Variants in TTC34 observed in about 807,000 individuals in gnomAD.
TTC34 encodes the protein tetratricopeptide repeat protein 34.
In TTC34, 44 loss-of-function variants were observed where a neutral mutation model predicts 40.7. That is an observed-to-expected ratio of 1.08 (90% CI 0.85 to 1.39). TTC34 has a LOEUF of 1.39. Among genes scored for constraint, TTC34 ranks in the 40% most tolerant of loss-of-function variants. The pLI is 0.00. For missense variants in TTC34, 884 were observed against 838.0 expected (o/e 1.05, Z -0.68); for synonymous variants, 422 against 398.6 (o/e 1.06, Z -0.70).
At chr1:2,641,083 GAGGTATGGGGAGGGCTGGGAAGGT>G in exon 9 of TTC34, 1 of 174,544 alleles carries the variant, frequency 5.7e-6, no homozygotes, top group African/African-American at 4.9e-5. Context: ...GCTGGGAAGG[GAGGTATGGGGAGGGCTGGGAAGGT>G]GGTGTGGGGA....
chr1:2,755,064 C>T (rs1315057084), intron 6 of TTC34, among the ~76,000 whole-genome samples: 1 of 55,550 alleles, frequency 1.8e-5, no homozygotes, highest in Non-Finnish European at 3.0e-5. Flanking sequence ...CCTGCACCCC[C>T]AGGTGCGCAC....
At chr1:2,793,722 G>A (rs1643685864) in intron 2 of TTC34, among the ~76,000 whole-genome samples, 1 of 152,178 alleles carries the variant, frequency 6.6e-6, no homozygotes, top group African/African-American at 2.4e-5. Flanking sequence ...TCTGTCACCT[G>A]TTAAGTTTTA....
intron 6 of TTC34, among the ~76,000 whole-genome samples, chr1:2,683,526 T>A (rs1264074652): frequency 1.2e-4 from 17 of 138,300 alleles, no homozygotes; most frequent in East Asian, 6.5e-4. Flanking sequence ...CAGGTGAGCA[T>A]CTGATGGTCT....
intron 6 of TTC34, among the ~76,000 whole-genome samples, chr1:2,677,922 G>C (rs1229603963): frequency 6.0e-5 from 2 of 33,344 alleles, no homozygotes; most frequent in Non-Finnish European, 4.8e-5. Context: ...GCCTGGAGCA[G>C]CACCCTGCAC....
chr1:2,657,439 A>C (rs1384124054), intron 6 of TTC34, among the ~76,000 whole-genome samples: 3 of 68,772 alleles, frequency 4.4e-5, no homozygotes, highest in East Asian at 3.2e-4. Flanking sequence ...GAGCATCTGA[A>C]CTCATGGAGC....
At position 2,789,803 on chromosome 1, in the gene TTC34, TC is replaced by T; in HGVS notation, c.1327del (p.Glu443SerfsTer113). ...GCCCCCCGGGTGCGGCGCCCCCTGC[TC>T]CACTACCGTCTGGAAGTCCTCCATG... On this transcript the variant is annotated frameshift_variant, in exon 3 of 9. Coordinates refer to ENST00000401095, the Ensembl canonical transcript of TTC34. LOFTEE classifies it high-confidence loss of function. 2.1e-6 allele frequency: 1 copy of T among 476,302 alleles called. No individual in the cohort carries two copies. The highest frequency in any genetic ancestry group is 3.6e-6 in the Non-Finnish European group (1 of 276,540). 29.5% of individuals were successfully genotyped at this position (476,302 alleles called of 1,614,324 possible).
At chr1:2,652,461 G>A (rs1379433400) in intron 6 of TTC34, among the ~76,000 whole-genome samples, 241 of 149,090 alleles carry the variant, frequency 1.6e-3, no homozygotes, top group African/African-American at 3.7e-3. Flanking sequence ...GTGAGCATCC[G>A]ACAGCCTGGA....
chr1:2,795,086 CA>C (rs35945824), intron 2 of TTC34, among the ~76,000 whole-genome samples: 55,524 of 134,132 alleles, frequency 0.41, 10,530 homozygotes, highest in Non-Finnish European at 0.46. Context: ...CCCATCTCTA[CA>C]AAAAAAAAAA....
At chr1:2,643,019 C>T (rs990327604) in intron 8 of TTC34, among the ~76,000 whole-genome samples, 1 of 152,326 alleles carries the variant, frequency 6.6e-6, no homozygotes, top group Non-Finnish European at 1.5e-5. Context: ...TAGTTCACGG[C>T]CCGGGGTGGT....
chr1:2,692,522 A>G (rs1366868371), intron 6 of TTC34, among the ~76,000 whole-genome samples: 1 of 111,832 alleles, frequency 8.9e-6, no homozygotes, highest in Non-Finnish European at 1.9e-5. Flanking sequence ...TGTGCACGTG[A>G]CAGCTTGGAT....
At chr1:2,694,820 C>G (rs1400318260) in intron 6 of TTC34, among the ~76,000 whole-genome samples, 1 of 87,400 alleles carries the variant, frequency 1.1e-5, no homozygotes, top group Non-Finnish European at 2.8e-5. Context: ...CAGCCTGGAA[C>G]GACACCCACA....
At chr1:2,756,877 G>T (rs1641524432) in intron 6 of TTC34, among the ~76,000 whole-genome samples, 1 of 151,796 alleles carries the variant, frequency 6.6e-6, no homozygotes, top group Admixed American at 6.6e-5. Context: ...CTCCAGGTGA[G>T]CATCTGATGG....
intron 6 of TTC34, among the ~76,000 whole-genome samples, chr1:2,757,614 T>C (rs1641549433): frequency 2.7e-5 from 4 of 145,844 alleles, no homozygotes; most frequent in Non-Finnish European, 6.0e-5. Context: ...TCCGCCAGCC[T>C]GGAACAGCAC....
chr1:2,686,593 C>G (rs1210645099), intron 6 of TTC34, among the ~76,000 whole-genome samples: 1 of 144,688 alleles, frequency 6.9e-6, no homozygotes, highest in Admixed American at 6.8e-5. Flanking sequence ...CCTGGAACAG[C>G]ACACACACCC....
intron 6 of TTC34, chr1:2,776,176 C>G (rs942469779): frequency 4.0e-5 from 5 of 124,762 alleles, no homozygotes; most frequent in African/African-American, 1.9e-4. Context: ...TGCAGGTGAG[C>G]ATCTGATAGC....
chr1:2,683,943 A>T (rs1036907372), intron 6 of TTC34, among the ~76,000 whole-genome samples: 3 of 142,690 alleles, frequency 2.1e-5, no homozygotes, highest in Non-Finnish European at 4.5e-5. Flanking sequence ...GGTCTGGAGC[A>T]GTACCCACAC....
At chr1:2,652,483 A>G in intron 6 of TTC34, among the ~76,000 whole-genome samples, 1 of 151,698 alleles carries the variant, frequency 6.6e-6, no homozygotes, top group Non-Finnish European at 1.5e-5. Context: ...CAGAACCCAC[A>G]CCCCCAGGCG....
intron 6 of TTC34, among the ~76,000 whole-genome samples, chr1:2,692,081 G>A (rs972731936): frequency 9.7e-6 from 1 of 103,228 alleles, no homozygotes; most frequent in African/African-American, 3.4e-5. Context: ...GTGAACATCC[G>A]ACAGCCTGGA....
chr1:2,754,611 G>A (rs1198872803), intron 6 of TTC34, among the ~76,000 whole-genome samples: 150 of 29,188 alleles, frequency 5.1e-3, no homozygotes, highest in Middle Eastern at 0.026. Flanking sequence ...CTGGAGCAGT[G>A]CCCACACCCC....
Sources: gnomAD v4.1 joint callset for allele counts (sites outside exome capture counted in the v4.1 genomes callset) on GRCh38, gnomAD v4.1.1 for gene constraint, MANE v1.5 for transcripts, NCBI Gene and HGNC (gene_info 2026-07-23, HGNC 2026-07-21) for gene names.